Variants in CFAP92 observed in about 807,000 individuals in gnomAD.
CFAP92 encodes the protein cilia and flagella associated protein 92 (putative).
CFAP92 carries 86 observed loss-of-function variants against 106.3 expected under a neutral mutation model. The ratio of observed to expected loss-of-function variants is 0.81; its 90% confidence interval spans 0.68 to 0.97. The LOEUF (loss-of-function observed/expected upper bound fraction) is 0.97, where lower values mean the gene tolerates loss of function less well. Among genes scored for constraint, CFAP92 ranks in the 50% least tolerant of loss-of-function variants. The pLI, the probability that CFAP92 is intolerant of heterozygous loss-of-function variation, is 0.00. For missense variants in CFAP92, 1,204 were observed against 1,283.8 expected, an observed-to-expected ratio of 0.94 and a Z score of 0.95; for synonymous variants, 477 against 506.4, an observed-to-expected ratio of 0.94 and a Z score of 0.78.
At chr3:128,918,789 AAGAT>A (rs1937027463) in intron 12 of CFAP92, among the ~76,000 whole-genome samples, 1 of 152,212 alleles carries the variant, frequency 6.6e-6, no homozygotes, top group Non-Finnish European at 1.5e-5. Context: ...CTTAAAAAGA[AAGAT>A]AGAATGTATA....
intron 10 of CFAP92, among the ~76,000 whole-genome samples, chr3:128,936,787 C>A (rs904452669): frequency 3.9e-5 from 6 of 152,132 alleles, no homozygotes; most frequent in Admixed American, 2.0e-4. Context: ...GAAGACTGCC[C>A]AGTCTGTGTG....
At chr3:128,975,416 T>C (rs1039544368) in intron 7 of CFAP92, among the ~76,000 whole-genome samples, 2 of 149,106 alleles carry the variant, frequency 1.3e-5, no homozygotes, top group Admixed American at 1.3e-4. Context: ...TGGATGGAGA[T>C]GGATGGATAG....
intron 12 of CFAP92, among the ~76,000 whole-genome samples, chr3:128,919,525 C>T (rs1482087574): frequency 6.6e-6 from 1 of 152,102 alleles, no homozygotes; most frequent in East Asian, 1.9e-4. Context: ...TAAGAAACAA[C>T]TGACAGGATT....
chr3:128,973,551 G>A (rs750324411), intron 7 of CFAP92, among the ~76,000 whole-genome samples: 3 of 152,070 alleles, frequency 2.0e-5, no homozygotes, highest in Admixed American at 6.5e-5. Context: ...AGCTACTCGG[G>A]AGGCTGAGGT....
intron 12 of CFAP92, among the ~76,000 whole-genome samples, chr3:128,931,754 G>A (rs2107704149): frequency 6.6e-6 from 1 of 152,190 alleles, no homozygotes; most frequent in South Asian, 2.1e-4. Context: ...CAGGCACAGT[G>A]ACTCACACCT....
At chr3:129,014,399 TCTC>T in the CFAP92 span, among the ~76,000 whole-genome samples, 1 of 152,154 alleles carries the variant, frequency 6.6e-6, no homozygotes, top group Non-Finnish European at 1.5e-5. This position sits in a 1 kb window ranked among gnomAD's most constrained non-coding sequence, Gnocchi z 4.3. Flanking sequence ...AGCGTTGGCT[TCTC>T]CTGCGGCCTC....
rs1366952268 is a variant in CFAP92, at chr3:128,988,958, T to C, written c.263-40A>G. The C allele has an allele frequency of 7.9e-6, 12 of 1,522,144 alleles. No individual in the cohort carries two copies. In the Admixed American group the frequency reaches 1.6e-4, roughly 21 times the overall value. The allele number at this position is 1,522,144 out of a possible 1,614,324, so 94.3% of individuals were successfully genotyped here. ...TTGAAAAAGTCTCGTTTTAACCTCA[T>C]GTGGAAAAGCAGACCCGTCTCCCCA... On this transcript the variant is annotated intron_variant, in intron 2 of 15. Coordinates refer to ENST00000645291, the MANE Select transcript of CFAP92 (RefSeq NM_001394090.1).
chr3:128,989,287 GGT>G (rs1485714531), intron 2 of CFAP92, among the ~76,000 whole-genome samples: 2 of 77,522 alleles, frequency 2.6e-5, no homozygotes, highest in Non-Finnish European at 4.3e-5. Flanking sequence ...CTAAGAAGCA[GGT>G]AAAAAAAAAA....
chr3:128,977,183 T>C lies in CFAP92; in HGVS notation c.809-117A>G, dbSNP rs992562329. 1.6e-5 allele frequency: 12 copies of C among 739,242 alleles called. No individual in the cohort carries two copies. In the African/African-American group the frequency reaches 1.9e-4, roughly 12 times the overall value. The allele number at this position is 739,242 out of a possible 1,614,324, so 45.8% of individuals were successfully genotyped here. ...TCTATGCAGAAGGCCTGGGATGTGGTAAGGCCTGGGATATTGTTAATAACT... is the reference window on the plus strand; with the variant it reads ...TCTATGCAGAAGGCCTGGGATGTGGCAAGGCCTGGGATATTGTTAATAACT... On this transcript the variant is annotated intron_variant, in intron 5 of 15. Transcript: ENST00000645291.
In CFAP92 at chr3:128,935,394, G is replaced by A. The variant is rs1446541771; in HGVS notation, c.2259-75C>T. The A allele has an allele frequency of 9.8e-6, 10 of 1,015,520 alleles. No individual in the cohort carries two copies. In the East Asian group the frequency reaches 2.7e-4, roughly 27 times the overall value. The allele number at this position is 1,015,520 out of a possible 1,614,324, so 62.9% of individuals were successfully genotyped here. A position where few individuals can be genotyped will look rare whatever the true frequency, so the allele number is the denominator to read the frequency against. On this transcript the variant is annotated intron_variant, in intron 10 of 15. Transcript: ENST00000645291. ...ACACCGTGGTGAGGGTGCGCTGTCA[G>A]GTACAGCTTTTATGTTATTTAAAAA...
chr3:129,003,254 G>T, upstream of CFAP92: 10 of 985,430 alleles, frequency 1.0e-5, no homozygotes, highest in Non-Finnish European at 1.2e-5. Flanking sequence ...GCCATGGGAT[G>T]CGCCTGAACG....
At chr3:128,962,991 G>T (rs113294889) in intron 9 of CFAP92, among the ~76,000 whole-genome samples, 31,950 of 151,980 alleles carry the variant, frequency 0.21, 3,666 homozygotes, top group Middle Eastern at 0.27. Context: ...CGTCATCCCA[G>T]CCTCTCTTTG....
intron 4 of CFAP92, 111 bp downstream of exon 4, chr3:128,987,505 G>A (rs112129449): frequency 1.9e-4 from 170 of 915,124 alleles, no homozygotes; most frequent in African/African-American, 1.8e-3. Flanking sequence ...TGCAAAACCC[G>A]TGTGTGCACA....
At chr3:128,915,028 A>C (rs1245858372) in intron 15 of CFAP92, 91 bp downstream of exon 15, 3 of 1,327,910 alleles carry the variant, frequency 2.3e-6, no homozygotes, top group Non-Finnish European at 3.0e-6. Context: ...AGTGTAAACA[A>C]AATGGATACC....
At chr3:128,933,467 G>A (rs569404615) in intron 11 of CFAP92, among the ~76,000 whole-genome samples, 2 of 152,156 alleles carry the variant, frequency 1.3e-5, no homozygotes, top group East Asian at 1.9e-4. Context: ...CCTCCTCCTG[G>A]GTGCCCTCTG....
At chr3:128,962,062 A>T (rs1576539326) in intron 9 of CFAP92, among the ~76,000 whole-genome samples, 1 of 151,918 alleles carries the variant, frequency 6.6e-6, no homozygotes, top group African/African-American at 2.4e-5. Flanking sequence ...TCTGTGCGGG[A>T]CCCCACTGGA....
chr3:128,930,889 A>G (rs749238017), intron 12 of CFAP92, among the ~76,000 whole-genome samples: 1 of 152,062 alleles, frequency 6.6e-6, no homozygotes, highest in African/African-American at 2.4e-5. Context: ...TACTCTCAAC[A>G]TTGTTTGACT....
At position 128,916,094 on chromosome 3, in the gene CFAP92, C is replaced by T; in HGVS notation, c.2916+13G>A. The T allele has an allele frequency of 8.1e-7, 1 of 1,232,414 alleles. No homozygotes were observed. The highest frequency in any genetic ancestry group is 1.0e-6 in the Non-Finnish European group (1 of 988,186). 76.3% of individuals were successfully genotyped at this position (1,232,414 alleles called of 1,614,324 possible). A position where few individuals can be genotyped will look rare whatever the true frequency, so the allele number is the denominator to read the frequency against. On this transcript the variant is annotated intron_variant, in intron 13 of 15. Coordinates refer to ENST00000645291, the MANE Select transcript of CFAP92 (RefSeq NM_001394090.1). ...GATTTGCCAACTGCCATCATCCTGTCTGGGTCTCTCACCTTGGCTATCTCT... is the reference window on the plus strand; with the variant it reads ...GATTTGCCAACTGCCATCATCCTGTTTGGGTCTCTCACCTTGGCTATCTCT...
chr3:128,944,277 G>A lies in CFAP92; in HGVS notation c.2258+794C>T, dbSNP rs951144125. Among the ~76,000 whole-genome samples the A allele has an allele frequency of 2.0e-5, 3 of 151,880 alleles. No individual in the cohort carries two copies. In the South Asian group the frequency reaches 6.2e-4, roughly 31 times the overall value. The stretch of plus-strand genomic sequence containing the variant: ...TTATACATAATGCTGCTGTGAACAT[G>A]TGTGTACAAGCTCTTGTGTGGACAT... On this transcript the variant is annotated intron_variant, in intron 10 of 15. Transcript: ENST00000645291.
Sources: allele counts gnomAD v4.1 joint callset (sites outside exome capture counted in the v4.1 genomes callset), GRCh38; gene constraint gnomAD v4.1.1; non-coding constraint Gnocchi (gnomAD v3.1); transcripts MANE v1.5; gene names NCBI Gene and HGNC (gene_info 2026-07-23, HGNC 2026-07-21).